Variants in UTP4 observed in about 807,000 individuals in gnomAD.
UTP4 encodes the protein UTP4 small subunit processome component.
Under a neutral mutation model 82.4 loss-of-function variants are expected in UTP4, and 45 were observed. The ratio of observed to expected loss-of-function variants is 0.55; its 90% CI spans 0.43 to 0.70. The LOEUF is 0.70. UTP4 is among the 30% of genes least tolerant of loss of function. The pLI is 0.00. For missense variants in UTP4, 819 were observed against 858.3 expected, an observed-to-expected ratio of 0.95 and a Z score of 0.57; for synonymous variants, 348 against 300.3, an observed-to-expected ratio of 1.16 and a Z score of -1.64.
At chr16:69,139,431 G>C (rs1056980505) in intron 4 of UTP4, among the ~76,000 whole-genome samples, 7 of 151,552 alleles carry the variant, frequency 4.6e-5, no homozygotes, top group Non-Finnish European at 4.4e-5. Flanking sequence ...TTGAGGTCAG[G>C]AGTTCGAAAC....
At position 69,140,922 on chromosome 16, in the gene UTP4, A is replaced by G. The variant is rs944155125; in HGVS notation, c.526+1008A>G. ...ATCCACACTTCCTCCCGATCCTCCC[A>G]GTATGGTTATATTATAACTTTGTTC... is the stretch of plus-strand genomic sequence containing the variant. On this transcript the variant is annotated intron_variant, in intron 5 of 16. Coordinates refer to ENST00000314423, the MANE Select transcript of UTP4 (RefSeq NM_032830.3). 1.8e-4 allele frequency among the ~76,000 whole-genome samples: 27 copies of G among 152,166 alleles called. 1 individual carries two copies. Among genetic ancestry groups the G allele is most frequent in the African/African-American group, 6.3e-4 (26 of 41,506 alleles).
chr16:69,163,194 G>A lies in UTP4; in HGVS notation c.1647+16G>A. On this transcript the variant is annotated intron_variant, in intron 14 of 16. Coordinates refer to ENST00000314423, the MANE Select transcript of UTP4 (RefSeq NM_032830.3). ...GGACCAGCAGGTAAGGGAGATTCCAGTGCTTTCTATTCCCTTCCTGCTGGA... is the reference window on the plus strand; with the variant it reads ...GGACCAGCAGGTAAGGGAGATTCCAATGCTTTCTATTCCCTTCCTGCTGGA... 6.3e-7 allele frequency: 1 copy of A among 1,591,232 alleles called. No homozygotes were observed. The highest frequency in any genetic ancestry group is 8.6e-7 in the Non-Finnish European group (1 of 1,159,156).
At chr16:69,158,159 C>CTTTT (rs1183419534) in intron 12 of UTP4, among the ~76,000 whole-genome samples, 1 of 71,260 alleles carries the variant, frequency 1.4e-5, no homozygotes. Context: ...GGAAAGTCAA[C>CTTTT]TCTTTTTTTT....
At chr16:69,158,860 G>A (rs1035855978) in intron 12 of UTP4, among the ~76,000 whole-genome samples, 4 of 152,092 alleles carry the variant, frequency 2.6e-5, no homozygotes, top group African/African-American at 7.2e-5. Flanking sequence ...CATGCAGCAC[G>A]CATTTTGGCA....
chr16:69,137,158 T>C (rs528328698), intron 3 of UTP4, among the ~76,000 whole-genome samples: 5 of 152,370 alleles, frequency 3.3e-5, no homozygotes, highest in Non-Finnish European at 1.5e-5. Flanking sequence ...TAGAGGTTTT[T>C]TTGTTTTGGT....
At chr16:69,146,599 G>A (rs1383425312) in intron 6 of UTP4, among the ~76,000 whole-genome samples, 1 of 152,108 alleles carries the variant, frequency 6.6e-6, no homozygotes, top group Non-Finnish European at 1.5e-5. Context: ...GGTGGCTCAC[G>A]CCTGTAATCC....
Position 69,165,468 on chromosome 16 carries a change from G to T in UTP4, c.1775G>T (p.Arg592Ile). The change falls in exon 15 of 17, where the codon AGA (arginine) becomes ATA (isoleucine). Residue 592 changes from arginine (R) to isoleucine (I), a missense_variant. By Grantham distance (97) the Arg-to-Ile change is moderately conservative. Coordinates refer to ENST00000314423, the MANE Select transcript of UTP4 (RefSeq NM_032830.3). ...ACACACATCAGTTTTCATCCCAAGA[G>T]ACCGATGCACATCCTTCTCCATGAT... ...PITHISFHPKRPMHILLHDAY... is the reference protein window; with the variant it reads ...PITHISFHPKIPMHILLHDAY... 1 of 1,614,098 alleles carries T rather than the reference G, an allele frequency of 6.2e-7. No individual in the cohort carries two copies. The highest frequency in any genetic ancestry group is 8.5e-7 in the Non-Finnish European group (1 of 1,179,994).
intron 6 of UTP4, among the ~76,000 whole-genome samples, chr16:69,146,895 C>T (rs910377218): frequency 2.7e-5 from 4 of 148,906 alleles, no homozygotes; most frequent in East Asian, 2.0e-4. Context: ...CCCAGCTACT[C>T]GTGAGGCTGA....
intron 12 of UTP4, among the ~76,000 whole-genome samples, chr16:69,157,788 G>A (rs1375148080): frequency 1.3e-5 from 2 of 151,226 alleles, no homozygotes; most frequent in Admixed American, 6.6e-5. Context: ...GTAGAGACGG[G>A]GTCTCATTAT....
intron 4 of UTP4, among the ~76,000 whole-genome samples, chr16:69,138,290 G>GA (rs1398152067): frequency 2.2e-3 from 335 of 149,834 alleles, no homozygotes; most frequent in African/African-American, 7.5e-3. Flanking sequence ...TGCTGGCAGT[G>GA]GCGGTGGCAT....
intron 6 of UTP4, among the ~76,000 whole-genome samples, chr16:69,149,337 G>A (rs1182346393): frequency 2.6e-5 from 4 of 152,024 alleles, no homozygotes; most frequent in East Asian, 1.9e-4. Context: ...CTGAGATCGC[G>A]CCATTGCACT....
intron 8 of UTP4, among the ~76,000 whole-genome samples, chr16:69,153,242 G>C (rs1389308318): frequency 6.6e-6 from 1 of 152,132 alleles, no homozygotes; most frequent in Non-Finnish European, 1.5e-5. Context: ...CTGGGCTTCT[G>C]TATTTACCAC....
chr16:69,159,439 C>T (rs1288569098), intron 12 of UTP4, among the ~76,000 whole-genome samples: 1 of 152,142 alleles, frequency 6.6e-6, no homozygotes, highest in African/African-American at 2.4e-5. Flanking sequence ...TCACACCTCC[C>T]AGCACTTTTG....
At chr16:69,163,424 G>C (rs527708336) in intron 14 of UTP4, among the ~76,000 whole-genome samples, 3 of 152,254 alleles carry the variant, frequency 2.0e-5, no homozygotes, top group African/African-American at 7.2e-5. Context: ...TCACAAGAGG[G>C]AGGAGGAATT....
In UTP4 at chr16:69,146,110, G is replaced by GA. The variant is rs1243888957; in HGVS notation, c.738+2730dup. Among the ~76,000 whole-genome samples, 40 of 146,676 alleles carry GA rather than the reference G, an allele frequency of 2.7e-4. 3 individuals are homozygous for GA. The highest frequency in any genetic ancestry group is 2.0e-3 in the Admixed American group (30 of 14,680). On this transcript the variant is annotated intron_variant, in intron 6 of 16. Transcript: ENST00000314423. ...AGACTCTGTCTCAAAAAAAAAAAAAGAAAAAAAAAGATATTCCAAACTTTA... is the reference window on the plus strand; with the variant it reads ...AGACTCTGTCTCAAAAAAAAAAAAAGAAAAAAAAAAGATATTCCAAACTTTA...
chr16:69,150,688 C>T lies in UTP4; in HGVS notation c.890C>T (p.Pro297Leu). The change falls in exon 7 of 17, where the codon CCA (proline) becomes CTA (leucine). Residue 297 changes from proline (P) to leucine (L), a missense_variant. Physicochemically the swap from Pro to Leu is moderately conservative, Grantham distance 98. Transcript: ENST00000314423. ...GACGTGCGCACTGTGGCCCACAGCC[C>T]AACAGCGCTGATATCTGGAGGTGGG... ...THDVRTVAHS[P>L]TALISGGTDT... is the part of the protein sequence containing the mutation. The T allele has an allele frequency of 6.2e-7, 1 of 1,614,206 alleles. No individual in the cohort carries two copies.
intron 12 of UTP4, among the ~76,000 whole-genome samples, chr16:69,159,984 C>T (rs1043236040): frequency 1.1e-5 from 1 of 90,462 alleles, no homozygotes; most frequent in African/African-American, 4.2e-5. Flanking sequence ...GACTCCATCT[C>T]AAAAAAAAAA....
intron 11 of UTP4, 119 bp downstream of exon 11, chr16:69,156,112 T>C: frequency 9.6e-7 from 1 of 1,036,308 alleles, no homozygotes; most frequent in Non-Finnish European, 1.5e-6. Flanking sequence ...ATTTGGAGAT[T>C]TGGAGAAGGC....
At chr16:69,161,739 A>G (rs934975771) in intron 13 of UTP4, among the ~76,000 whole-genome samples, 5 of 152,302 alleles carry the variant, frequency 3.3e-5, no homozygotes, top group African/African-American at 1.2e-4. Flanking sequence ...GTCACAGCTC[A>G]CTGCAGCCTT....
Sources: gnomAD v4.1 joint callset for allele counts (sites outside exome capture counted in the v4.1 genomes callset) on GRCh38, gnomAD v4.1.1 for gene constraint, MANE v1.5 for transcripts, NCBI Gene and HGNC (gene_info 2026-07-23, HGNC 2026-07-21) for gene names.